Variants in CDH8 observed in about 807,000 individuals in gnomAD.
The protein encoded by CDH8 is cadherin 8.
Under a neutral mutation model 68.1 loss-of-function variants are expected in CDH8, and 17 were observed. That is an observed-to-expected ratio of 0.25 (90% CI 0.17 to 0.37). CDH8 has a LOEUF of 0.37. Among genes scored for constraint, CDH8 ranks in the 10% least tolerant of loss-of-function variants. The pLI is 1.00. For synonymous variants in CDH8, 372 were observed against 365.1 expected, an observed-to-expected ratio of 1.02 and a Z score of -0.21; for missense variants, 763 against 999.3, an observed-to-expected ratio of 0.76 and a Z score of 3.19.
Position 61,652,677 on chromosome 16 carries a change from A to T in CDH8, c.*931T>A. On this transcript the variant is annotated 3_prime_UTR_variant, in exon 12 of 12. Coordinates refer to ENST00000577390, the MANE Select transcript of CDH8 (RefSeq NM_001796.5). Reference sequence around the variant, plus strand: ...ATCTAAAGGATTATTAATGGATATAATTTAGTTTTTTCCCATATATCCCCT... The same window carrying T: ...ATCTAAAGGATTATTAATGGATATATTTTAGTTTTTTCCCATATATCCCCT... 5 of 1,185,370 alleles carry T rather than the reference A, an allele frequency of 4.2e-6. No homozygotes were observed. Among genetic ancestry groups the T allele is most frequent in the Non-Finnish European group, 4.3e-6 (4 of 935,468 alleles). The allele number at this position is 1,185,370 out of a possible 1,614,324, so 73.4% of individuals were successfully genotyped here.
At position 61,731,286 on chromosome 16, in the gene CDH8, A is replaced by G. The variant is rs539322308; in HGVS notation, c.1415-4071T>C. Among the ~76,000 whole-genome samples, 69 of 151,846 alleles carry G rather than the reference A, an allele frequency of 4.5e-4. No homozygotes were observed. In the South Asian group the frequency reaches 0.014, roughly 31 times the overall value. ...TAGTTGCCAGAGAGAATGCAGATAG[A>G]GTCAGCTGAAATGAGCCTTCTAGGA... On this transcript the variant is annotated intron_variant, in intron 8 of 11. Coordinates refer to ENST00000577390, the MANE Select transcript of CDH8 (RefSeq NM_001796.5).
chr16:61,939,509 G>A (rs1224925194), intron 2 of CDH8, among the ~76,000 whole-genome samples: 3 of 152,226 alleles, frequency 2.0e-5, no homozygotes, highest in South Asian at 2.1e-4. Flanking sequence ...CTTTTACTGC[G>A]ATGTTTGAAG....
At chr16:61,920,514 CACTGGCCATCAG>C (rs1964343833) in intron 2 of CDH8, among the ~76,000 whole-genome samples, 1 of 126,834 alleles carries the variant, frequency 7.9e-6, no homozygotes, top group Admixed American at 8.4e-5. Context: ...TGCTCATCAT[CACTGGCCATCAG>C]AGAAATGCAA....
At chr16:61,994,369 T>A (rs1965776492) in intron 2 of CDH8, among the ~76,000 whole-genome samples, 1 of 152,140 alleles carries the variant, frequency 6.6e-6, no homozygotes, top group African/African-American at 2.4e-5. Context: ...TATTGCTAAT[T>A]GAACTGTATT....
rs562749106 is a variant in CDH8, at chr16:61,725,798, T to C, written c.1536+1296A>G. 3.3e-5 allele frequency: 5 copies of C among 151,114 alleles called. No homozygotes were observed. In the East Asian group the frequency reaches 7.8e-4, roughly 24 times the overall value. The allele number at this position is 151,114 out of a possible 1,614,324, so 9.4% of individuals were successfully genotyped here. ...TTAGAATATTATAAAAATAAACCTA[T>C]ATCTCTACTAAAGCTGAATGCTTTG... is the stretch of plus-strand genomic sequence containing the variant. On this transcript the variant is annotated intron_variant, in intron 9 of 11. Coordinates refer to ENST00000577390, the MANE Select transcript of CDH8 (RefSeq NM_001796.5).
At chr16:62,026,867 A>G (rs577870699) in intron 1 of CDH8, among the ~76,000 whole-genome samples, 1 of 152,330 alleles carries the variant, frequency 6.6e-6, no homozygotes, top group South Asian at 2.1e-4. Flanking sequence ...ACATCAGAGA[A>G]TGGCTTTGTA....
intron 10 of CDH8, among the ~76,000 whole-genome samples, chr16:61,675,627 TA>T (rs201984187): frequency 0.014 from 608 of 43,700 alleles, 3 homozygotes; most frequent in Middle Eastern, 0.036. Context: ...ATAAAAAAAA[TA>T]AAAAAAAATA....
chr16:61,800,806 A>C lies in CDH8; in HGVS notation c.1278-11324T>G, dbSNP rs555305664. Among the ~76,000 whole-genome samples, 4 of 132,266 alleles carry C rather than the reference A, an allele frequency of 3.0e-5. No individual in the cohort carries two copies. The Admixed American group carries it at 3.1e-4, about 10-fold the overall frequency. The allele number at this position is 132,266 out of a possible 152,430, so 86.8% of individuals were successfully genotyped here. A position where few individuals can be genotyped will look rare whatever the true frequency, so the allele number is the denominator to read the frequency against. On this transcript the variant is annotated intron_variant, in intron 7 of 11. Coordinates refer to ENST00000577390, the MANE Select transcript of CDH8 (RefSeq NM_001796.5). ...TATTATGTTTTCCTCTGCAACATTAAGTCAAATCTGATTGTCCTTATCAAA... is the reference window on the plus strand; with the variant it reads ...TATTATGTTTTCCTCTGCAACATTACGTCAAATCTGATTGTCCTTATCAAA...
intron 3 of CDH8, among the ~76,000 whole-genome samples, chr16:61,891,861 G>A (rs546987408): frequency 1.6e-4 from 24 of 152,146 alleles, no homozygotes; most frequent in African/African-American, 2.9e-4. Context: ...TGCTTTTCCC[G>A]TTTCCCACTT....
intron 2 of CDH8, among the ~76,000 whole-genome samples, chr16:61,909,987 G>A (rs1174654596): frequency 6.6e-6 from 1 of 152,096 alleles, no homozygotes; most frequent in Non-Finnish European, 1.5e-5. Flanking sequence ...ACATGTGTCA[G>A]CCCTATAGCA....
intron 2 of CDH8, among the ~76,000 whole-genome samples, chr16:62,020,053 C>T (rs1253008022): frequency 6.6e-6 from 1 of 152,080 alleles, no homozygotes; most frequent in African/African-American, 2.4e-5. Context: ...CCAAGTAGAA[C>T]CATATGAAAT....
chr16:61,909,118 T>C (rs1964116145), intron 2 of CDH8, among the ~76,000 whole-genome samples: 1 of 152,016 alleles, frequency 6.6e-6, no homozygotes, highest in African/African-American at 2.4e-5. Context: ...AAGAAAAATA[T>C]TTAACATTTT....
intron 3 of CDH8, among the ~76,000 whole-genome samples, chr16:61,878,152 T>A (rs539547291): frequency 2.3e-4 from 35 of 152,328 alleles, no homozygotes; most frequent in Non-Finnish European, 4.3e-4. Flanking sequence ...GAGTAATAAA[T>A]TCCATTTTCT....
At chr16:61,772,533 G>A (rs942824519) in intron 8 of CDH8, among the ~76,000 whole-genome samples, 1 of 151,976 alleles carries the variant, frequency 6.6e-6, no homozygotes, top group Non-Finnish European at 1.5e-5. Context: ...GTTAAAAACC[G>A]GCCTAGCACA....
At chr16:61,951,183 T>C (rs762696653) in intron 2 of CDH8, among the ~76,000 whole-genome samples, 1 of 152,074 alleles carries the variant, frequency 6.6e-6, no homozygotes, top group African/African-American at 2.4e-5. Context: ...ACAATACACA[T>C]ATATTTCATT....
chr16:61,804,518 A>G (rs1304189983), intron 7 of CDH8, among the ~76,000 whole-genome samples: 2 of 150,512 alleles, frequency 1.3e-5, no homozygotes, highest in African/African-American at 4.9e-5. Flanking sequence ...CAAAAACTCA[A>G]TGAATCCAGG....
At chr16:61,824,833 A>G (rs1046565422) in intron 5 of CDH8, among the ~76,000 whole-genome samples, 179 bp downstream of exon 5, 1 of 151,966 alleles carries the variant, frequency 6.6e-6, no homozygotes, top group Non-Finnish European at 1.5e-5. Flanking sequence ...AAATGGTATC[A>G]ACTGTTTTGT....
At chr16:61,781,906 C>T (rs972394082) in intron 8 of CDH8, among the ~76,000 whole-genome samples, 8 of 152,080 alleles carry the variant, frequency 5.3e-5, no homozygotes, top group South Asian at 2.1e-4. Flanking sequence ...GAGAAACTGC[C>T]GTGATGGTAA....
At chr16:61,949,793 G>T (rs1482928176) in intron 2 of CDH8, among the ~76,000 whole-genome samples, 1 of 151,858 alleles carries the variant, frequency 6.6e-6, no homozygotes, top group Non-Finnish European at 1.5e-5. Context: ...ACCAACCTGG[G>T]CAACATGGCA....
Sources: gnomAD v4.1 joint callset for allele counts (sites outside exome capture counted in the v4.1 genomes callset) on GRCh38, gnomAD v4.1.1 for gene constraint, MANE v1.5 for transcripts, NCBI Gene and HGNC (gene_info 2026-07-23, HGNC 2026-07-21) for gene names.